The following NCBP2L variants were observed in gnomAD, a reference collection of about 807,000 sequenced individuals.
The protein encoded by NCBP2L is nuclear cap-binding protein subunit 2-like.
For missense variants in NCBP2L, 95 were observed against 53.1 expected (o/e 1.79, Z -2.45); for synonymous variants, 39 against 19.2 (o/e 2.04, Z -2.70).
chrX:107,784,589 C>T (rs1414292875), intron 1 of NCBP2L, among the ~76,000 whole-genome samples: 3 of 109,957 alleles, frequency 2.7e-5, no homozygotes, highest in African/African-American at 1.0e-4. Flanking sequence ...CTGGCCCCAA[C>T]CATAACAATC....
intron 1 of NCBP2L, among the ~76,000 whole-genome samples, chrX:107,793,189 T>A (rs182648619): frequency 8.9e-6 from 1 of 112,348 alleles, no homozygotes; most frequent in East Asian, 2.8e-4. Context: ...CAAAGTGTAA[T>A]CTTTGGACCA....
intron 1 of NCBP2L, among the ~76,000 whole-genome samples, chrX:107,779,768 A>T (rs1462507560): frequency 3.3e-5 from 2 of 59,993 alleles, no homozygotes; most frequent in African/African-American, 1.9e-4. Flanking sequence ...TTTTTGAGAC[A>T]GAGTCTCGCT....
intron 1 of NCBP2L, among the ~76,000 whole-genome samples, chrX:107,786,056 C>T (rs1175986533): frequency 9.0e-6 from 1 of 111,460 alleles, no homozygotes; most frequent in Non-Finnish European, 1.9e-5. Context: ...CCTGTATTAG[C>T]TTTCTAAATC....
intron 1 of NCBP2L, among the ~76,000 whole-genome samples, chrX:107,780,591 C>A (rs1050695097): frequency 9.3e-6 from 1 of 108,100 alleles, no homozygotes; most frequent in Non-Finnish European, 1.9e-5. Flanking sequence ...CTTGGATCTG[C>A]ACCAGGATGG....
Position 107,794,538 on chromosome X carries a change from A to G in NCBP2L, c.318A>G (p.Glu106=), listed in dbSNP as rs754662257. ...TTCTAACTGGGACCTGCCTAGATGA[A>G]TGGATTATCTGCACTGATTGGGATG... is the stretch of plus-strand genomic sequence containing the variant. ...MRFLTGTCLD[E]WIICTDWDVG... Residue 106 remains glutamate (E), a synonymous_variant, in exon 2 of 2, where the codon GAA becomes GAG. Transcript: ENST00000509000. The G allele has an allele frequency of 3.5e-6, 2 of 570,048 alleles. No individual in the cohort carries two copies. The highest frequency in any genetic ancestry group is 2.2e-5 in the South Asian group (1 of 44,990). 47.0% of individuals were successfully genotyped at this position (570,048 alleles called of 1,213,427 possible).
chrX:107,781,746 C>CTATATATAGATCTATAGATATCTA (rs1414983355), intron 1 of NCBP2L, among the ~76,000 whole-genome samples: 67 of 41,419 alleles, frequency 1.6e-3, no homozygotes, highest in African/African-American at 5.4e-3. Flanking sequence ...ATATAGATAT[C>CTATATATAGATCTATAGATATCTA]TATATATAGA....
chrX:107,792,491 T>G (rs1264028699), intron 1 of NCBP2L, among the ~76,000 whole-genome samples: 1 of 112,331 alleles, frequency 8.9e-6, no homozygotes, highest in Non-Finnish European at 1.9e-5. Context: ...GCCAGTGGGC[T>G]TCCTACTTCT....
chrX:107,782,922 T>C (rs1930344142), intron 1 of NCBP2L, among the ~76,000 whole-genome samples: 1 of 108,105 alleles, frequency 9.3e-6, no homozygotes. Context: ...CATATACACA[T>C]ATGCACACAC....
chrX:107,793,695 T>C (rs1357543578), intron 1 of NCBP2L, among the ~76,000 whole-genome samples: 1 of 112,129 alleles, frequency 8.9e-6, no homozygotes, highest in African/African-American at 3.2e-5. Context: ...ATTGATTCCA[T>C]GTTATAGACT....
intron 1 of NCBP2L, among the ~76,000 whole-genome samples, chrX:107,793,573 C>T (rs979312089): frequency 8.9e-6 from 1 of 111,942 alleles, no homozygotes; most frequent in Admixed American, 9.5e-5. Flanking sequence ...CCAATAAAAT[C>T]TAATCTTAAT....
intron 1 of NCBP2L, among the ~76,000 whole-genome samples, chrX:107,778,676 G>A (rs1174101046): frequency 8.9e-6 from 1 of 111,956 alleles, no homozygotes; most frequent in East Asian, 2.8e-4. Context: ...GAAAGCGGAG[G>A]GGGGCCCCCA....
chrX:107,780,226 G>A (rs998614298), intron 1 of NCBP2L, among the ~76,000 whole-genome samples: 22 of 111,428 alleles, frequency 2.0e-4, no homozygotes, highest in African/African-American at 6.8e-4. Flanking sequence ...GCATGCTAGC[G>A]TGCATCTGTA....
chrX:107,781,377 C>T (rs1930264628), intron 1 of NCBP2L, among the ~76,000 whole-genome samples: 1 of 109,454 alleles, frequency 9.1e-6, no homozygotes, highest in Admixed American at 9.7e-5. Context: ...GCAATCTCTC[C>T]TCACTGCTAC....
intron 1 of NCBP2L, among the ~76,000 whole-genome samples, chrX:107,786,856 CTCTTT>C (rs776102079): frequency 8.9e-6 from 1 of 111,911 alleles, no homozygotes; most frequent in Admixed American, 9.5e-5. Flanking sequence ...TATCTGACCA[CTCTTT>C]TCTTTTCTTT....
At chrX:107,781,664 A>ATCTCTC (rs1306466951) in intron 1 of NCBP2L, among the ~76,000 whole-genome samples, 10 of 65,438 alleles carry the variant, frequency 1.5e-4, no homozygotes, top group Admixed American at 4.7e-4. Flanking sequence ...CTATCTATCT[A>ATCTCTC]TCTATCTATC....
At chrX:107,784,185 G>A (rs1877449592) in intron 1 of NCBP2L, among the ~76,000 whole-genome samples, 2 of 111,744 alleles carry the variant, frequency 1.8e-5, no homozygotes, top group South Asian at 7.5e-4. Context: ...TGTGGTAGAT[G>A]TCATTATTGT....
At chrX:107,783,369 TTTTTTTTTTTA>T (rs1172284498) in intron 1 of NCBP2L, among the ~76,000 whole-genome samples, 3,752 of 98,636 alleles carry the variant, frequency 0.038, 78 homozygotes, top group Middle Eastern at 0.13. Context: ...TTTTTTTTTT[TTTTTTTTTTTA>T]TTTTTTATTT....
At chrX:107,785,790 C>T (rs745819825) in intron 1 of NCBP2L, among the ~76,000 whole-genome samples, 145 of 110,774 alleles carry the variant, frequency 1.3e-3, no homozygotes, top group African/African-American at 4.7e-3. Context: ...GGCTGGCTAC[C>T]AGGGTGTGGG....
At chrX:107,790,980 T>C (rs1930444913) in intron 1 of NCBP2L, among the ~76,000 whole-genome samples, 1 of 111,724 alleles carries the variant, frequency 9.0e-6, no homozygotes, top group African/African-American at 3.3e-5. Flanking sequence ...TTACATTGCA[T>C]TGCAATTTGT....
Sources: gnomAD v4.1 joint callset for allele counts (sites outside exome capture counted in the v4.1 genomes callset) on GRCh38, gnomAD v4.1.1 for gene constraint, MANE v1.5 for transcripts, NCBI Gene and HGNC (gene_info 2026-07-23, HGNC 2026-07-21) for gene names.